TMUB2: variants seen among roughly 807,000 people sequenced by gnomAD.
TMUB2 encodes the protein transmembrane and ubiquitin-like domain-containing protein 2.
A neutral mutation model predicts 20.2 loss-of-function variants in TMUB2; 19 were observed. That is an observed-to-expected ratio of 0.94 (90% CI 0.66 to 1.38). The LOEUF is 1.38. Among genes scored for constraint, TMUB2 ranks in the 40% most tolerant of loss-of-function variants. The pLI, the probability that TMUB2 is intolerant of heterozygous loss-of-function variation, is 0.00. For missense variants in TMUB2, 426 were observed against 402.5 expected (o/e 1.06, Z -0.50); for synonymous variants, 186 against 166.0 (o/e 1.12, Z -0.92).
At position 44,190,665 on chromosome 17, in the gene TMUB2, T is replaced by C. The variant is rs546497881; in HGVS notation, c.767T>C (p.Leu256Ser). The C allele has an allele frequency of 2.8e-5, 45 of 1,614,194 alleles. 1 individual carries two copies. The South Asian group carries it at 4.5e-4, about 16-fold the overall frequency. The part of the protein sequence containing the change: ...GSAVPGPSAS[L>S]APSATEPPSL... ...GCTGTTCCAGGCCCCTCAGCCTCCT[T>C]GGCCCCCTCGGCCACTGAGCCACCC... The change falls in exon 4 of 4, where the codon TTG (leucine) becomes TCG (serine). Residue 256 changes from leucine (L) to serine (S), a missense_variant. Transcript: ENST00000538716.
rs2055518490 is a variant in TMUB2 at position 44,191,134 on chromosome 17, G to T, written c.*270G>T. 2 of 1,179,700 alleles carry T rather than the reference G, an allele frequency of 1.7e-6. No homozygotes were observed. The highest frequency in any genetic ancestry group is 2.1e-6 in the Non-Finnish European group (2 of 949,308). 73.1% of individuals were successfully genotyped at this position (1,179,700 alleles called of 1,614,324 possible). The stretch of plus-strand genomic sequence containing the variant: ...CCTCTGAAGGAGTTCAAAGCTGCTG[G>T]CCAAGCTCAGTGGGGAGCCTGGGCT... On this transcript the variant is annotated 3_prime_UTR_variant, in exon 4 of 4. Coordinates refer to ENST00000538716, the MANE Select transcript of TMUB2 (RefSeq NM_001076674.3).
At chr17:44,188,151 G>A in intron 2 of TMUB2, 1 of 191,884 alleles carries the variant, frequency 5.2e-6, no homozygotes, top group South Asian at 9.4e-5. Flanking sequence ...AGCAAGCAGG[G>A]ACCCTTCCTG....
chr17:44,190,412 TC>T (rs2055347479), intron 3 of TMUB2, 88 bp from the exon 4 acceptor site: 1 of 1,353,216 alleles, frequency 7.4e-7, no homozygotes, highest in Non-Finnish European at 9.8e-7. Context: ...CTCCAGTTTT[TC>T]CCCACTCCCC....
rs1365168387 is a variant in TMUB2, at chr17:44,190,735, G to A, written c.837G>A (p.Val279=). The A allele has an allele frequency of 6.2e-7, 1 of 1,614,190 alleles. No individual in the cohort carries two copies. The highest frequency in any genetic ancestry group is 1.7e-5 in the Admixed American group (1 of 60,020). The change falls in exon 4 of 4, where the codon GTG becomes GTA. Residue 279 remains valine (V), a synonymous_variant. Transcript: ENST00000538716. ...GCAGCCTCATGGTGCCTGTCTTTGT[G>A]GTGCTGTTGGGTGTGGTCTGGTACT... ...NVGSLMVPVF[V]VLLGVVWYFR... is the part of the protein sequence containing the mutation.
chr17:44,190,777 C>T lies in TMUB2; in HGVS notation c.879C>T (p.Arg293=). ...GVVWYFRINY[R]QFFTAPATVS... ...TCTGGTACTTCCGAATCAATTACCGCCAATTCTTCACAGCACCTGCCACTG... is the reference window on the plus strand; with the variant it reads ...TCTGGTACTTCCGAATCAATTACCGTCAATTCTTCACAGCACCTGCCACTG... Residue 293 remains arginine, a synonymous_variant, in exon 4 of 4, where the codon CGC becomes CGT. Transcript: ENST00000538716. The T allele has an allele frequency of 1.2e-6, 2 of 1,614,228 alleles. No homozygotes were observed. The highest frequency in any genetic ancestry group is 1.7e-6 in the Non-Finnish European group (2 of 1,180,030).
At chr17:44,190,368 AAAAG>A (rs1234663715) in intron 3 of TMUB2, 129 bp from the exon 4 acceptor site, 98 of 909,182 alleles carry the variant, frequency 1.1e-4, no homozygotes, top group Non-Finnish European at 1.4e-4. Flanking sequence ...AAAAAAAAAA[AAAAG>A]GATAAAGATG....
At position 44,190,800 on chromosome 17, in the gene TMUB2, C is replaced by T. The variant is rs776227460; in HGVS notation, c.902C>T (p.Thr301Ile). The T allele has an allele frequency of 5.2e-5, 84 of 1,614,110 alleles. No homozygotes were observed. Among genetic ancestry groups the T allele is most frequent in the Non-Finnish European group, 6.6e-5 (78 of 1,180,028 alleles). ...NYRQFFTAPATVSLVGVTVFF... is the reference protein window; with the variant it reads ...NYRQFFTAPAIVSLVGVTVFF... ...CGCCAATTCTTCACAGCACCTGCCA[C>T]TGTCTCCCTGGTGGGAGTCACCGTC... Residue 301 changes from threonine to isoleucine, a missense_variant, in exon 4 of 4, where the codon ACT (threonine) becomes ATT (isoleucine). By Grantham distance (89) the Thr-to-Ile change is moderately conservative (BLOSUM62 -1). Transcript: ENST00000538716.
chr17:44,189,746 C>T (rs564050359), intron 3 of TMUB2, 158 bp downstream of exon 3: 20 of 672,484 alleles, frequency 3.0e-5, no homozygotes, highest in South Asian at 1.0e-4. Context: ...CCCTTCAGGC[C>T]GGGTGCAGTG....
chr17:44,191,844 G>C lies in TMUB2; in HGVS notation c.*980G>C, dbSNP rs182649754. 1.9e-6 allele frequency: 1 copy of C among 537,370 alleles called. No individual in the cohort carries two copies. Among genetic ancestry groups the C allele is most frequent in the East Asian group, 1.5e-4 (1 of 6,708 alleles). 33.3% of individuals were successfully genotyped at this position (537,370 alleles called of 1,614,324 possible). On this transcript the variant is annotated 3_prime_UTR_variant, in exon 4 of 4. Coordinates refer to ENST00000538716, the MANE Select transcript of TMUB2 (RefSeq NM_001076674.3). ...GCAGTTTATTTACACCAGCAGCCAT[G>C]GGGGCAGAGGGAATACACAGCGTTT...
In TMUB2 at chr17:44,191,656, C is replaced by T. The variant is rs1032503356; in HGVS notation, c.*792C>T. The T allele has an allele frequency of 1.0e-5, 10 of 985,668 alleles. No individual in the cohort carries two copies. The highest frequency in any genetic ancestry group is 1.2e-5 in the Non-Finnish European group (10 of 829,972). The allele number at this position is 985,668 out of a possible 1,614,324, so 61.1% of individuals were successfully genotyped here. On this transcript the variant is annotated 3_prime_UTR_variant, in exon 4 of 4. Transcript: ENST00000538716. The stretch of plus-strand genomic sequence containing the variant: ...CAAGGACTGGGTATGGATTGCTGGG[C>T]CCTAGGCTCTTGCTTCTGGGGCTAT...
At chr17:44,188,220 T>C (rs1180869204) in intron 2 of TMUB2, among the ~76,000 whole-genome samples, 2 of 152,142 alleles carry the variant, frequency 1.3e-5, no homozygotes, top group Non-Finnish European at 2.9e-5. Context: ...GACTGAGATA[T>C]GGATTGTGAG....
chr17:44,191,756 CTT>C lies in TMUB2; in HGVS notation c.*894_*895del. On this transcript the variant is annotated 3_prime_UTR_variant, in exon 4 of 4. Coordinates refer to ENST00000538716, the MANE Select transcript of TMUB2 (RefSeq NM_001076674.3). ...AGCCTCTTTCTGTGACAGAGAATGG[CTT>C]TGCGCTGCCCCCAGGAAAATGGTAA... The C allele has an allele frequency of 1.0e-6, 1 of 985,354 alleles. No individual in the cohort carries two copies. The highest frequency in any genetic ancestry group is 1.2e-6 in the Non-Finnish European group (1 of 829,618). 61.0% of individuals were successfully genotyped at this position (985,354 alleles called of 1,614,324 possible).
In TMUB2 at chr17:44,189,249, T is replaced by A. The variant is rs760195257; in HGVS notation, c.263T>A (p.Val88Glu). 10 of 1,611,340 alleles carry A rather than the reference T, an allele frequency of 6.2e-6. No homozygotes were observed. In the South Asian group the frequency reaches 1.1e-4, roughly 18 times the overall value. ...CACCTGGGGCATGTGGACCACCTGG[T>A]GGCAGGCCAAGGCAACCCCGAGCCA... Reference protein sequence around the residue: ...VLHLGHVDHLVAGQGNPEPTE... With the variant: ...VLHLGHVDHLEAGQGNPEPTE... Residue 88 changes from valine to glutamate, a missense_variant, in exon 3 of 4, where the codon GTG becomes GAG. Val to Glu is a moderately radical substitution (Grantham distance 121). Transcript: ENST00000538716.
At chr17:44,187,556 C>T in intron 1 of TMUB2, 120 bp from the exon 2 acceptor site, 2 of 645,150 alleles carry the variant, frequency 3.1e-6, no homozygotes, top group Non-Finnish European at 5.7e-6. Context: ...TTTCGTCTTT[C>T]TTTGCCGCAG....
At position 44,189,449 on chromosome 17, in the gene TMUB2, C is replaced by T. The variant is rs1462256402; in HGVS notation, c.463C>T (p.Pro155Ser). The T allele has an allele frequency of 6.2e-7, 1 of 1,614,130 alleles. No homozygotes were observed. Among genetic ancestry groups the T allele is most frequent in the Non-Finnish European group, 8.5e-7 (1 of 1,180,024 alleles). The change falls in exon 3 of 4, where the codon CCA (proline) becomes TCA (serine). Residue 155 changes from proline (P) to serine (S), a missense_variant. Coordinates refer to ENST00000538716, the MANE Select transcript of TMUB2 (RefSeq NM_001076674.3). ...KRQAGAGSSS[P>S]EAPLRSEDST... ...ACAAGCAGGTGCAGGCAGCAGCAGT[C>T]CAGAGGCCCCCCTGAGATCTGAGGA...
intron 3 of TMUB2, chr17:44,190,162 T>G (rs1019470598): frequency 4.9e-6 from 1 of 202,948 alleles, no homozygotes; most frequent in Admixed American, 5.3e-5. Context: ...CTGGCCAGCA[T>G]GGTGAAACCC....
rs772489403 is a variant in TMUB2, at chr17:44,190,717, C to T, written c.819C>T (p.Leu273=). 3.1e-6 allele frequency: 5 copies of T among 1,614,260 alleles called. No individual in the cohort carries two copies. Among genetic ancestry groups the T allele is most frequent in the Non-Finnish European group, 3.4e-6 (4 of 1,180,044 alleles). The stretch of plus-strand genomic sequence containing the variant: ...GCCTTGGTGTCAATGTGGGCAGCCT[C>T]ATGGTGCCTGTCTTTGTGGTGCTGT... ...PPSLGVNVGS[L]MVPVFVVLLG... is the part of the protein sequence containing the mutation. The change falls in exon 4 of 4, where the codon CTC becomes CTT. Residue 273 remains leucine (L), a synonymous_variant. Transcript: ENST00000538716.
chr17:44,191,332 C>T lies in TMUB2; in HGVS notation c.*468C>T. On this transcript the variant is annotated 3_prime_UTR_variant, in exon 4 of 4. Coordinates refer to ENST00000538716, the MANE Select transcript of TMUB2 (RefSeq NM_001076674.3). ...AATACTCATCTTTTGAGACTGAAAT[C>T]ACACTGGCGGGAATGAAGATTGTGC... The T allele has an allele frequency of 3.0e-6, 3 of 989,872 alleles. No individual in the cohort carries two copies. The highest frequency in any genetic ancestry group is 3.6e-6 in the Non-Finnish European group (3 of 832,380). 61.3% of individuals were successfully genotyped at this position (989,872 alleles called of 1,614,324 possible).
intron 2 of TMUB2, 65 bp downstream of exon 2, chr17:44,187,808 GGT>G: frequency 1.4e-6 from 1 of 717,376 alleles, no homozygotes; most frequent in South Asian, 1.5e-5. Context: ...AGTTGTCTGA[GGT>G]GTTATAGCTA....
Sources: gnomAD v4.1 joint callset for allele counts (sites outside exome capture counted in the v4.1 genomes callset) on GRCh38, gnomAD v4.1.1 for gene constraint, MANE v1.5 for transcripts, NCBI Gene and HGNC (gene_info 2026-07-23, HGNC 2026-07-21) for gene names.